Variants in ADCY8 observed in about 807,000 individuals in gnomAD.
The protein encoded by ADCY8 is adenylate cyclase 8, also known as adenylate cyclase type 8.
Under a neutral mutation model 119.7 loss-of-function variants are expected in ADCY8, and 51 were observed. That is an observed-to-expected ratio of 0.43 (90% CI 0.34 to 0.54). The LOEUF (loss-of-function observed/expected upper bound fraction) is 0.54, where lower values mean the gene tolerates loss of function less well. ADCY8 is among the 20% of genes least tolerant of loss of function. The probability of loss-of-function intolerance (pLI) is 0.03; values close to 1 mark genes in which losing one functional copy is unlikely to be tolerated. For synonymous variants in ADCY8, 665 were observed against 651.0 expected (o/e 1.02, Z -0.33); for missense variants, 1,383 against 1,598.8 (o/e 0.87, Z 2.30).
At chr8:130,885,393 T>C (rs1169980635) in intron 7 of ADCY8, among the ~76,000 whole-genome samples, 2 of 152,088 alleles carry the variant, frequency 1.3e-5, no homozygotes, top group South Asian at 2.1e-4. Context: ...TAATTTCTTT[T>C]AGGTAAAAAA....
chr8:130,953,472 C>T (rs1332228841), intron 2 of ADCY8, among the ~76,000 whole-genome samples: 1 of 152,150 alleles, frequency 6.6e-6, no homozygotes, highest in Non-Finnish European at 1.5e-5. Context: ...GATTAAGTTA[C>T]TTGCACAACC....
chr8:131,009,512 G>C (rs1823233258), intron 1 of ADCY8, among the ~76,000 whole-genome samples: 1 of 152,194 alleles, frequency 6.6e-6, no homozygotes, highest in African/African-American at 2.4e-5. Context: ...GCCACCCTGT[G>C]AAGAGGTGTC....
intron 1 of ADCY8, among the ~76,000 whole-genome samples, chr8:130,998,872 T>C (rs1822858541): frequency 6.6e-6 from 1 of 152,034 alleles, no homozygotes; most frequent in Admixed American, 6.6e-5. Flanking sequence ...TTAAAAAAAA[T>C]GCGGATCCTT....
chr8:130,796,281 A>G (rs1333383873), intron 15 of ADCY8, among the ~76,000 whole-genome samples: 2 of 152,178 alleles, frequency 1.3e-5, no homozygotes, highest in African/African-American at 2.4e-5. Flanking sequence ...TATTTACTCT[A>G]TAGCTAAAAG....
intron 2 of ADCY8, 110 bp from the exon 3 acceptor site, chr8:130,952,108 G>A: frequency 1.6e-6 from 2 of 1,248,372 alleles, no homozygotes; most frequent in Non-Finnish European, 2.2e-6. Context: ...CTTTGGGATT[G>A]CTAATTTCAT....
chr8:131,038,612 C>T (rs897056954), intron 1 of ADCY8, among the ~76,000 whole-genome samples: 2 of 152,016 alleles, frequency 1.3e-5, no homozygotes, highest in East Asian at 1.9e-4. Flanking sequence ...GGAAAGATAC[C>T]TAAAGAACAA....
intron 1 of ADCY8, among the ~76,000 whole-genome samples, chr8:131,013,970 G>GA (rs989780112): frequency 6.6e-5 from 10 of 152,054 alleles, no homozygotes; most frequent in African/African-American, 2.4e-4. Context: ...TAAGAAAAAT[G>GA]AAAAAATGGT....
chr8:130,806,679 C>A (rs537338813), intron 14 of ADCY8, among the ~76,000 whole-genome samples: 1 of 152,078 alleles, frequency 6.6e-6, no homozygotes, highest in African/African-American at 2.4e-5. Context: ...AGTGACATAG[C>A]CAGCCTCAGG....
At chr8:131,011,352 T>C (rs1173218194) in intron 1 of ADCY8, among the ~76,000 whole-genome samples, 1 of 152,118 alleles carries the variant, frequency 6.6e-6, no homozygotes, top group Non-Finnish European at 1.5e-5. Flanking sequence ...CCAGAGTGAA[T>C]ACCGATTCAA....
At chr8:131,001,845 T>C (rs1304687538) in intron 1 of ADCY8, among the ~76,000 whole-genome samples, 1 of 152,172 alleles carries the variant, frequency 6.6e-6, no homozygotes, top group African/African-American at 2.4e-5. Context: ...AAGTCTTCTA[T>C]ATTTACGGTG....
chr8:130,880,077 T>C (rs1818713187), intron 8 of ADCY8, among the ~76,000 whole-genome samples: 1 of 152,162 alleles, frequency 6.6e-6, no homozygotes, highest in South Asian at 2.1e-4. Flanking sequence ...CCACATAAGA[T>C]GTGACTTGCT....
intron 2 of ADCY8, among the ~76,000 whole-genome samples, chr8:130,959,921 A>G (rs919300255): frequency 1.3e-5 from 2 of 152,200 alleles, no homozygotes; most frequent in African/African-American, 2.4e-5. Flanking sequence ...TACCAGAAGC[A>G]ACTAAAGTGT....
chr8:130,899,891 A>G (rs931280008), intron 7 of ADCY8, among the ~76,000 whole-genome samples: 1 of 152,210 alleles, frequency 6.6e-6, no homozygotes, highest in African/African-American at 2.4e-5. Flanking sequence ...TCTAGCCTTG[A>G]ACTTCCTGGA....
intron 8 of ADCY8, among the ~76,000 whole-genome samples, chr8:130,872,906 G>A (rs776443801): frequency 2.0e-5 from 3 of 152,136 alleles, no homozygotes; most frequent in Non-Finnish European, 4.4e-5. Context: ...GTTTCATTTT[G>A]TTCATGTCTG....
chr8:130,830,591 C>T (rs1816805154), intron 12 of ADCY8, among the ~76,000 whole-genome samples: 1 of 152,182 alleles, frequency 6.6e-6, no homozygotes, highest in Admixed American at 6.5e-5. Context: ...CTACACCCCT[C>T]ATGTGTGTCC....
At chr8:130,920,307 GACAA>G (rs902886059) in intron 5 of ADCY8, among the ~76,000 whole-genome samples, 1 of 152,128 alleles carries the variant, frequency 6.6e-6, no homozygotes, top group Non-Finnish European at 1.5e-5. Context: ...GTAAGCAACA[GACAA>G]ACAGTGTGCC....
intron 3 of ADCY8, among the ~76,000 whole-genome samples, 173 bp downstream of exon 3, chr8:130,951,695 C>T (rs1449738321): frequency 6.6e-6 from 1 of 152,090 alleles, no homozygotes; most frequent in Non-Finnish European, 1.5e-5. Context: ...CTTCTCTAGC[C>T]TTAATTTGGA....
intron 14 of ADCY8, among the ~76,000 whole-genome samples, chr8:130,806,093 G>A (rs753982324): frequency 2.4e-4 from 36 of 152,194 alleles, no homozygotes; most frequent in Non-Finnish European, 4.3e-4. Context: ...AGGCAGGAAC[G>A]TGGGAAGAGA....
At chr8:130,968,790 A>T (rs185128021) in intron 2 of ADCY8, among the ~76,000 whole-genome samples, 15 of 152,318 alleles carry the variant, frequency 9.8e-5, no homozygotes, top group Admixed American at 9.2e-4. Flanking sequence ...CTTGGGGAAA[A>T]TGCTGAGGTC....
Sources: allele counts gnomAD v4.1 joint callset (sites outside exome capture counted in the v4.1 genomes callset), GRCh38; gene constraint gnomAD v4.1.1; transcripts MANE v1.5; gene names NCBI Gene and HGNC (gene_info 2026-07-23, HGNC 2026-07-21).